The following DPP9 variants were observed in gnomAD, a reference collection of about 807,000 sequenced individuals.
DPP9 encodes the protein dipeptidyl peptidase 9.
A neutral mutation model predicts 110.7 loss-of-function variants in DPP9; 50 were observed. The ratio of observed to expected loss-of-function variants is 0.45; its 90% CI spans 0.36 to 0.57. DPP9 has a LOEUF of 0.57. Among genes scored for constraint, DPP9 ranks in the 20% least tolerant of loss-of-function variants. The pLI, the probability that DPP9 is intolerant of heterozygous loss-of-function variation, is 0.00. For missense variants in DPP9, 1,022 were observed against 1,217.9 expected (o/e 0.84, Z 2.39); for synonymous variants, 561 against 514.4 (o/e 1.09, Z -1.23).
chr19:4,704,309 A>G lies in DPP9; in HGVS notation c.427-5T>C. The G allele has an allele frequency of 6.2e-7, 1 of 1,610,778 alleles. No homozygotes were observed. Among genetic ancestry groups the G allele is most frequent in the African/African-American group, 1.3e-5 (1 of 75,016 alleles). On this transcript the variant is annotated splice_region_variant and splice_polypyrimidine_tract_variant and intron_variant, in intron 5 of 21. Coordinates refer to ENST00000262960, the MANE Select transcript of DPP9 (RefSeq NM_139159.5). This position sits in a 1 kb window ranked among gnomAD's most constrained non-coding sequence, Gnocchi z 6.0. ...GACCCCATGGTGGGGCGTGGCCTGG[A>G]AACATACAGGGGACAGGGGGCAGCG...
rs776620792 is a variant in DPP9 at position 4,704,314 on chromosome 19, TACAGGGG to T, written c.427-17_427-11del. The stretch of plus-strand genomic sequence containing the variant: ...CATGGTGGGGCGTGGCCTGGAAACA[TACAGGGG>T]ACAGGGGGCAGCGTCAGTGGGCAAA... On this transcript the variant is annotated splice_polypyrimidine_tract_variant and intron_variant, in intron 5 of 21. Transcript: ENST00000262960. This position sits in a 1 kb window ranked among gnomAD's most constrained non-coding sequence, Gnocchi z 6.0. 8 of 1,608,468 alleles carry T rather than the reference TACAGGGG, an allele frequency of 5.0e-6. No homozygotes were observed. The South Asian group carries it at 8.8e-5, about 18-fold the overall frequency.
At chr19:4,678,219 T>A (rs1017666556) in intron 21 of DPP9, among the ~76,000 whole-genome samples, 1 of 152,124 alleles carries the variant, frequency 6.6e-6, no homozygotes, top group Non-Finnish European at 1.5e-5. Context: ...TTCAAGCGAT[T>A]CTCCTGCCTC....
rs1437829420 is a variant in DPP9, at chr19:4,694,610, C to A, written c.1516+51G>T. The A allele has an allele frequency of 1.3e-6, 2 of 1,575,032 alleles. No individual in the cohort carries two copies. The highest frequency in any genetic ancestry group is 2.7e-5 in the African/African-American group (2 of 74,248). ...ACCAATGAACAAACAGCATATTGAA[C>A]CACACGTGACTAACGCGATGAGTCG... On this transcript the variant is annotated intron_variant, in intron 13 of 21. Transcript: ENST00000262960. This position sits in a 1 kb window ranked among gnomAD's most constrained non-coding sequence, Gnocchi z 4.0.
intron 14 of DPP9, 97 bp downstream of exon 14, chr19:4,690,781 G>A (rs2091244931): frequency 2.2e-6 from 2 of 906,646 alleles, no homozygotes; most frequent in African/African-American, 1.6e-5. Flanking sequence ...ATGTGTGTGA[G>A]TGTATGTGTG....
At position 4,714,295 on chromosome 19, in the gene DPP9, G is replaced by T. The variant is rs372324420; in HGVS notation, c.99C>A (p.Thr33=). ...NSEGAERMAT[T]GTPTADRGDA... is the part of the protein sequence containing the mutation. ...CGCCTCGGTCGGCCGTTGGGGTCCC[G>T]GTGGTGGCCATCCTCTCAGCCCCCT... Residue 33 remains threonine (T), a synonymous_variant, in exon 4 of 22, where the codon ACC becomes ACA. Coordinates refer to ENST00000262960, the MANE Select transcript of DPP9 (RefSeq NM_139159.5). The T allele has an allele frequency of 5.8e-6, 9 of 1,541,144 alleles. No individual in the cohort carries two copies. The highest frequency in any genetic ancestry group is 1.2e-5 in the South Asian group (1 of 84,934).
At chr19:4,711,204 T>G (rs761221570) in intron 4 of DPP9, among the ~76,000 whole-genome samples, 1 of 152,094 alleles carries the variant, frequency 6.6e-6, no homozygotes, top group Non-Finnish European at 1.5e-5. Context: ...CCACTGGGCT[T>G]TCTGCTCTTG....
rs1599886038 is a variant in DPP9 at position 4,689,983 on chromosome 19, C to T, written c.1597-261G>A. Among the ~76,000 whole-genome samples the T allele has an allele frequency of 6.6e-6, 1 of 152,218 alleles. No individual in the cohort carries two copies. The highest frequency in any genetic ancestry group is 2.1e-4 in the South Asian group (1 of 4,832). On this transcript the variant is annotated intron_variant, in intron 14 of 21. Coordinates refer to ENST00000262960, the MANE Select transcript of DPP9 (RefSeq NM_139159.5). This position sits in a 1 kb window ranked among gnomAD's most constrained non-coding sequence, Gnocchi z 7.0. ...CTGGGGCCTGCATTCCACCCCCAGACAGCTCTTTCCTAGCTTGAATTGGGA... is the reference window on the plus strand; with the variant it reads ...CTGGGGCCTGCATTCCACCCCCAGATAGCTCTTTCCTAGCTTGAATTGGGA...
rs886294943 is a variant in DPP9, at chr19:4,718,144, T to A, written c.56+1707A>T. Among the ~76,000 whole-genome samples the A allele has an allele frequency of 2.0e-5, 3 of 152,138 alleles. No homozygotes were observed. The highest frequency in any genetic ancestry group is 4.4e-5 in the Non-Finnish European group (3 of 68,028). On this transcript the variant is annotated intron_variant, in intron 3 of 21. Coordinates refer to ENST00000262960, the MANE Select transcript of DPP9 (RefSeq NM_139159.5). This position sits in a 1 kb window ranked among gnomAD's most constrained non-coding sequence, Gnocchi z 4.3. The stretch of plus-strand genomic sequence containing the variant: ...TATATTGCCCAGGCTGGTCTCAAAC[T>A]CCTGGGCTCCAGCGATCCTGCCACC...
chr19:4,702,571 C>T (rs576039963), intron 8 of DPP9, 32 bp downstream of exon 8: 29 of 1,522,316 alleles, frequency 1.9e-5, no homozygotes, highest in East Asian at 1.7e-4. Flanking sequence ...AAAGCACGCC[C>T]GGGAGCATGT....
intron 3 of DPP9, 146 bp downstream of exon 3, chr19:4,719,705 G>T: frequency 2.1e-6 from 2 of 954,284 alleles, no homozygotes; most frequent in Non-Finnish European, 1.6e-6. Context: ...CTGCCTCCTC[G>T]CTTGAAATAA....
rs190787119 is a variant in DPP9, at chr19:4,684,211, G to T, written c.2178+452C>A. ...TTCCGCTCCTTGCAACCCCTCTGCCGTGTAGGAAGCAGCACAGGGCCTCTC... is the reference window on the plus strand; with the variant it reads ...TTCCGCTCCTTGCAACCCCTCTGCCTTGTAGGAAGCAGCACAGGGCCTCTC... On this transcript the variant is annotated intron_variant, in intron 18 of 21. Coordinates refer to ENST00000262960, the MANE Select transcript of DPP9 (RefSeq NM_139159.5). The surrounding 1 kb of genome is among the most constrained non-coding windows in gnomAD (Gnocchi z 4.8). 3.0e-4 allele frequency: 83 copies of T among 276,562 alleles called. 1 individual carries two copies. The Admixed American group carries it at 3.5e-3, about 12-fold the overall frequency. The allele number at this position is 276,562 out of a possible 1,614,324, so 17.1% of individuals were successfully genotyped here.
At position 4,714,284 on chromosome 19, in the gene DPP9, G is replaced by C; in HGVS notation, c.110C>G (p.Thr37Arg). ...GGCGGCTGCGTCGCCTCGGTCGGCC[G>C]TTGGGGTCCCGGTGGTGGCCATCCT... ...AERMATTGTP[T>R]ADRGDAAATD... Residue 37 changes from threonine (T) to arginine (R), a missense_variant, in exon 4 of 22, where the codon ACG (threonine) becomes AGG (arginine). Transcript: ENST00000262960. 6.4e-7 allele frequency: 1 copy of C among 1,551,622 alleles called. No individual in the cohort carries two copies. Among genetic ancestry groups the C allele is most frequent in the Non-Finnish European group, 8.7e-7 (1 of 1,151,656 alleles).
rs555735000 is a variant in DPP9 at position 4,719,884 on chromosome 19, C to T, written c.23G>A (p.Arg8His). The change falls in exon 3 of 22, where the codon CGC (arginine) becomes CAC (histidine). Residue 8 changes from arginine to histidine, a missense_variant. Coordinates refer to ENST00000262960, the MANE Select transcript of DPP9 (RefSeq NM_139159.5). MRKVKKL[R>H]LDKENTGSWR... ...ACTTCCGGTGTTCTCCTTGTCCAGG[C>T]GCAGTTTCTTAACCTTCCGCATTAA... The T allele has an allele frequency of 1.3e-5, 20 of 1,551,764 alleles. No individual in the cohort carries two copies. Among genetic ancestry groups the T allele is most frequent in the Non-Finnish European group, 1.7e-5 (20 of 1,146,994 alleles).
chr19:4,709,452 T>C (rs1434923668), intron 4 of DPP9, among the ~76,000 whole-genome samples: 1 of 151,910 alleles, frequency 6.6e-6, no homozygotes, highest in Non-Finnish European at 1.5e-5. Flanking sequence ...GACTCAGGGG[T>C]GAGCAAAAGA....
intron 20 of DPP9, among the ~76,000 whole-genome samples, chr19:4,681,715 C>A (rs540737310): frequency 1.3e-5 from 2 of 152,024 alleles, no homozygotes; most frequent in African/African-American, 2.4e-5. Context: ...CAGGCATGCA[C>A]CACCATGCCC....
chr19:4,703,454 G>A lies in DPP9; in HGVS notation c.769+432C>T, dbSNP rs112276993. Among the ~76,000 whole-genome samples the A allele has an allele frequency of 4.0e-3, 574 of 144,900 alleles. 7 individuals carry two copies. Among genetic ancestry groups the A allele is most frequent in the African/African-American group, 0.015 (543 of 37,158 alleles). On this transcript the variant is annotated intron_variant, in intron 7 of 21. Transcript: ENST00000262960. ...AGCCTGGCCAACATGGGGAAACCTC[G>A]TCACAACTAAAAATACAAAAAAAAA... is the stretch of plus-strand genomic sequence containing the variant.
In DPP9 at chr19:4,685,179, T is replaced by C. The variant is rs1427823570; in HGVS notation, c.2032-370A>G. On this transcript the variant is annotated intron_variant, in intron 17 of 21. Transcript: ENST00000262960. This position sits in a 1 kb window ranked among gnomAD's most constrained non-coding sequence, Gnocchi z 5.8. Reference sequence around the variant, plus strand: ...AGGCCAGGAGAACTCGCAGTGGTGATGAACCACAAAGTACCCAGACATCGC... The same window carrying C: ...AGGCCAGGAGAACTCGCAGTGGTGACGAACCACAAAGTACCCAGACATCGC... 3 of 533,292 alleles carry C rather than the reference T, an allele frequency of 5.6e-6. No individual in the cohort carries two copies. Among genetic ancestry groups the C allele is most frequent in the South Asian group, 4.6e-5 (3 of 65,242 alleles). 33.0% of individuals were successfully genotyped at this position (533,292 alleles called of 1,614,324 possible).
chr19:4,688,052 T>A lies in DPP9; in HGVS notation c.1885+705A>T, dbSNP rs151333593. The stretch of plus-strand genomic sequence containing the variant: ...ACCTTGTGATCCACCCGCCTCAGCC[T>A]CCCAAAGTGCTGGGATTACAGGCAT... On this transcript the variant is annotated intron_variant, in intron 16 of 21. Transcript: ENST00000262960. Among the ~76,000 whole-genome samples, 429 of 152,278 alleles carry A rather than the reference T, an allele frequency of 2.8e-3. 3 individuals carry two copies. The highest frequency in any genetic ancestry group is 4.6e-3 in the Admixed American group (71 of 15,290).
intron 1 of DPP9, among the ~76,000 whole-genome samples, chr19:4,723,181 G>A (rs2093398072): frequency 6.6e-6 from 1 of 152,248 alleles, no homozygotes. Context: ...CCAAGCCTCG[G>A]GGCGAAGGTT....
Sources: gnomAD v4.1 joint callset for allele counts (sites outside exome capture counted in the v4.1 genomes callset) on GRCh38, gnomAD v4.1.1 for gene constraint, Gnocchi (gnomAD v3.1) non-coding constraint, MANE v1.5 for transcripts, NCBI Gene and HGNC (gene_info 2026-07-23, HGNC 2026-07-21) for gene names.